Variants in CCDC13 observed in about 807,000 individuals in gnomAD.
CCDC13 encodes coiled-coil domain containing 13.
Under a neutral mutation model 87.3 loss-of-function variants are expected in CCDC13, and 70 were observed. The observed-to-expected ratio is 0.80, with a 90% CI of 0.66 to 0.98. The LOEUF (loss-of-function observed/expected upper bound fraction) is 0.98, where lower values mean the gene tolerates loss of function less well. CCDC13 is among the 50% of genes least tolerant of loss of function. CCDC13 has a pLI of 0.00. For missense variants in CCDC13, 842 were observed against 892.0 expected, an observed-to-expected ratio of 0.94 and a Z score of 0.71; for synonymous variants, 317 against 360.3, an observed-to-expected ratio of 0.88 and a Z score of 1.36.
At chr3:42,760,039 C>T (rs532718760) in intron 1 of CCDC13, among the ~76,000 whole-genome samples, 1 of 152,124 alleles carries the variant, frequency 6.6e-6, no homozygotes, top group Non-Finnish European at 1.5e-5. Context: ...TCCCTGTAAT[C>T]CCATCCCTCT....
At position 42,745,777 on chromosome 3, in the gene CCDC13, A is replaced by G. The variant is rs1699375042; in HGVS notation, c.825+146T>C. The G allele has an allele frequency of 5.5e-6, 3 of 545,056 alleles. No individual in the cohort carries two copies. The South Asian group carries it at 9.6e-5, about 17-fold the overall frequency. The allele number at this position is 545,056 out of a possible 1,614,324, so 33.8% of individuals were successfully genotyped here. A position where few individuals can be genotyped will look rare whatever the true frequency, so the allele number is the denominator to read the frequency against. ...TCAGGCTGGTTGGCGAGAAGGTAAA[A>G]CAACAACCCCGCACGAGTGCACTGT... On this transcript the variant is annotated intron_variant, in intron 7 of 15. Coordinates refer to ENST00000310232, the MANE Select transcript of CCDC13 (RefSeq NM_144719.4).
In CCDC13 at chr3:42,766,480, G is replaced by T. The variant is rs569345829; in HGVS notation, c.-7+6696C>A. Among the ~76,000 whole-genome samples, 14 of 152,020 alleles carry T rather than the reference G, an allele frequency of 9.2e-5. 1 individual carries two copies. The South Asian group carries it at 2.9e-3, about 32-fold the overall frequency. On this transcript the variant is annotated intron_variant, in intron 1 of 15. Transcript: ENST00000310232. ...TAAAAACAGCGAGTTTTGCAGCAAA[G>T]AAAGAGTTTGATGGGCCAGTCAAGT... is the stretch of plus-strand genomic sequence containing the variant.
At chr3:42,719,469 T>C (rs1380539946) in intron 13 of CCDC13, 1 of 152,056 alleles carries the variant, frequency 6.6e-6, no homozygotes, top group African/African-American at 2.4e-5. Flanking sequence ...TGTAAAGTTT[T>C]AATTAATTAG....
At chr3:42,759,033 C>T (rs1356190731) in intron 1 of CCDC13, among the ~76,000 whole-genome samples, 7 of 152,132 alleles carry the variant, frequency 4.6e-5, no homozygotes, top group Non-Finnish European at 8.8e-5. Flanking sequence ...CAATAAAATC[C>T]ACCAGGTTGG....
chr3:42,771,244 T>G (rs902784487), intron 1 of CCDC13, among the ~76,000 whole-genome samples: 1 of 152,172 alleles, frequency 6.6e-6, no homozygotes, highest in African/African-American at 2.4e-5. Flanking sequence ...CTGTATAATA[T>G]TCTGAAAAAG....
At chr3:42,737,551 T>A (rs1699069762) in intron 9 of CCDC13, among the ~76,000 whole-genome samples, 2 of 152,254 alleles carry the variant, frequency 1.3e-5, no homozygotes, top group Non-Finnish European at 2.9e-5. Context: ...GCATTCCTAT[T>A]TCTCCACATC....
At chr3:42,772,990 G>A (rs1255273454) in intron 1 of CCDC13, among the ~76,000 whole-genome samples, 186 bp downstream of exon 1, 1 of 152,214 alleles carries the variant, frequency 6.6e-6, no homozygotes, top group Non-Finnish European at 1.5e-5. Flanking sequence ...GGTTAGAAGA[G>A]GGCTGTGTGT....
chr3:42,722,949 A>T (rs1698602214), intron 13 of CCDC13, among the ~76,000 whole-genome samples: 1 of 151,790 alleles, frequency 6.6e-6, no homozygotes, highest in African/African-American at 2.4e-5. Context: ...GGTGCCCACC[A>T]CTACGCCCAG....
intron 9 of CCDC13, among the ~76,000 whole-genome samples, chr3:42,737,524 C>T (rs1341406945): frequency 5.9e-5 from 9 of 152,200 alleles, no homozygotes; most frequent in Admixed American, 4.6e-4. Context: ...ATTCACAGTC[C>T]CACCAACAGT....
At chr3:42,772,763 G>T (rs1700162684) in intron 1 of CCDC13, among the ~76,000 whole-genome samples, 1 of 152,150 alleles carries the variant, frequency 6.6e-6, no homozygotes, top group Admixed American at 6.5e-5. Flanking sequence ...GCTGGGCCTG[G>T]AAGGGGAACT....
In CCDC13 at chr3:42,709,096, G is replaced by A. The variant is rs780403960; in HGVS notation, c.2032C>T (p.Leu678=). The part of the protein sequence containing the change: ...VEENEMLKAA[L]GSALRGKEED... ...TCCTTTCCCCGCAGGGCACTGCCCAGGGCAGCCTTTAGCATTTCATTCTCC... is the reference window on the plus strand; with the variant it reads ...TCCTTTCCCCGCAGGGCACTGCCCAAGGCAGCCTTTAGCATTTCATTCTCC... Residue 678 remains leucine, a synonymous_variant, in exon 16 of 16, where the codon CTG becomes TTG. Coordinates refer to ENST00000310232, the MANE Select transcript of CCDC13 (RefSeq NM_144719.4). 3 of 1,613,474 alleles carry A rather than the reference G, an allele frequency of 1.9e-6. No individual in the cohort carries two copies. The highest frequency in any genetic ancestry group is 2.2e-5 in the South Asian group (2 of 90,996).
chr3:42,766,885 C>T (rs1448923167), intron 1 of CCDC13, among the ~76,000 whole-genome samples: 1 of 152,058 alleles, frequency 6.6e-6, no homozygotes, highest in Non-Finnish European at 1.5e-5. Flanking sequence ...TCTAAGTAAA[C>T]TAGGAATAGA....
chr3:42,730,052 A>G (rs1698785505), intron 13 of CCDC13, among the ~76,000 whole-genome samples: 1 of 152,142 alleles, frequency 6.6e-6, no homozygotes, highest in South Asian at 2.1e-4. Context: ...CCCAGCTATC[A>G]GCACCTCTCT....
At chr3:42,711,056 G>GCCAA (rs111264256) in intron 14 of CCDC13, among the ~76,000 whole-genome samples, 3,047 of 152,066 alleles carry the variant, frequency 0.02, 94 homozygotes, top group African/African-American at 0.07. Flanking sequence ...GACCAGCCCG[G>GCCAA]CCAACATGGT....
Position 42,733,727 on chromosome 3 carries a change from CA to C in CCDC13, c.1372-119del, listed in dbSNP as rs888327756. ...AGAGGATATGAAAGAGGCTTCTTTT[CA>C]GGAGTGAAAAGCGAGGCCTGTTTGG... On this transcript the variant is annotated intron_variant, in intron 10 of 15. Coordinates refer to ENST00000310232, the MANE Select transcript of CCDC13 (RefSeq NM_144719.4). 5.2e-5 allele frequency: 70 copies of C among 1,333,726 alleles called. No homozygotes were observed. In the African/African-American group the frequency reaches 9.1e-4, roughly 17 times the overall value. 82.6% of individuals were successfully genotyped at this position (1,333,726 alleles called of 1,614,324 possible).
chr3:42,755,911 A>G (rs748547407), intron 3 of CCDC13, among the ~76,000 whole-genome samples: 2 of 152,146 alleles, frequency 1.3e-5, no homozygotes, highest in Non-Finnish European at 2.9e-5. Context: ...CAGCCTTGCA[A>G]AAGTGCAAGT....
chr3:42,743,610 C>CACACACACAT (rs1261467201), intron 7 of CCDC13, among the ~76,000 whole-genome samples: 12 of 87,636 alleles, frequency 1.4e-4, no homozygotes, highest in African/African-American at 5.7e-4. Context: ...TACACACACA[C>CACACACACAT]ATATATATAT....
At chr3:42,720,004 A>T (rs1698523963) in intron 13 of CCDC13, among the ~76,000 whole-genome samples, 1 of 152,236 alleles carries the variant, frequency 6.6e-6, no homozygotes, top group Admixed American at 6.5e-5. Context: ...CAAAAATGTA[A>T]ACATTTAGTC....
chr3:42,710,424 C>T (rs114667953), intron 14 of CCDC13, among the ~76,000 whole-genome samples: 1,682 of 152,178 alleles, frequency 0.011, 38 homozygotes, highest in African/African-American at 0.039. Context: ...AGGCTGAGCC[C>T]GAGTCTAGAC....
Sources: allele counts gnomAD v4.1 joint callset (sites outside exome capture counted in the v4.1 genomes callset), GRCh38; gene constraint gnomAD v4.1.1; transcripts MANE v1.5; gene names NCBI Gene and HGNC (gene_info 2026-07-23, HGNC 2026-07-21).